LARGE1: variants seen among roughly 807,000 people sequenced by gnomAD.
LARGE1 encodes LARGE xylosyl- and glucuronyltransferase 1, also known as xylosyl- and glucuronyltransferase LARGE1.
A neutral mutation model predicts 87.6 loss-of-function variants in LARGE1; 43 were observed. That is an observed-to-expected ratio of 0.49 (90% CI 0.38 to 0.63). The LOEUF is 0.63. LARGE1 is among the 30% of genes least tolerant of loss of function. The pLI, the probability that LARGE1 is intolerant of heterozygous loss-of-function variation, is 0.00. For synonymous variants in LARGE1, 434 were observed against 394.6 expected (o/e 1.10, Z -1.18); for missense variants, 802 against 1,000.2 (o/e 0.80, Z 2.67).
chr22:33,084,254 T>C, the LARGE1 span, among the ~76,000 whole-genome samples: 1 of 152,204 alleles, frequency 6.6e-6, no homozygotes, highest in Non-Finnish European at 1.5e-5. Context: ...TTGAATTCCA[T>C]CCCTTGACTT....
At chr22:33,078,151 G>GA in the LARGE1 span, among the ~76,000 whole-genome samples, 2 of 151,774 alleles carry the variant, frequency 1.3e-5, no homozygotes, top group Non-Finnish European at 1.5e-5. Context: ...CATCTGAATG[G>GA]AAAAAAAATG....
At chr22:33,310,739 C>T (rs907814616) in intron 11 of LARGE1, among the ~76,000 whole-genome samples, 2 of 152,172 alleles carry the variant, frequency 1.3e-5, no homozygotes, top group African/African-American at 4.8e-5. Flanking sequence ...TTCTACCATT[C>T]TTCATAAGCC....
chr22:33,373,614 A>G (rs957154404), intron 9 of LARGE1, among the ~76,000 whole-genome samples: 1 of 150,580 alleles, frequency 6.6e-6, no homozygotes, highest in African/African-American at 2.5e-5. Context: ...CTCTCCTTTA[A>G]GTTTTCCATT....
intron 3 of LARGE1, among the ~76,000 whole-genome samples, chr22:33,649,933 A>G (rs1340942422): frequency 2.0e-5 from 3 of 152,204 alleles, no homozygotes; most frequent in Non-Finnish European, 2.9e-5. Context: ...TGAATTGGAG[A>G]GGCTGTTTAT....
intron 1 of LARGE1, among the ~76,000 whole-genome samples, chr22:33,822,849 T>C (rs2062679919): frequency 6.6e-6 from 1 of 152,194 alleles, no homozygotes; most frequent in Non-Finnish European, 1.5e-5. Context: ...AAGTGAGCAG[T>C]GGCCATGTAA....
At chr22:33,690,535 A>G in intron 2 of LARGE1, among the ~76,000 whole-genome samples, 1 of 152,112 alleles carries the variant, frequency 6.6e-6, no homozygotes, top group East Asian at 1.9e-4. Context: ...AACACACCTC[A>G]TGCTCCTTCT....
intron 2 of LARGE1, among the ~76,000 whole-genome samples, chr22:33,693,853 A>G (rs193022075): frequency 5.9e-5 from 9 of 152,030 alleles, no homozygotes; most frequent in Admixed American, 1.3e-4. Context: ...AAAGAGAGAG[A>G]AAAAAGAAAA....
At chr22:33,560,939 C>T (rs1036501960) in intron 6 of LARGE1, among the ~76,000 whole-genome samples, 3 of 151,988 alleles carry the variant, frequency 2.0e-5, no homozygotes, top group Non-Finnish European at 4.4e-5. Context: ...CTCAGCCTCC[C>T]GAGTAGCTGG....
At chr22:33,106,420 A>C in the LARGE1 span, among the ~76,000 whole-genome samples, 4 of 152,194 alleles carry the variant, frequency 2.6e-5, no homozygotes, top group African/African-American at 9.6e-5. Context: ...TCCAGGTGGG[A>C]GTGGGCTTTA....
At chr22:33,129,088 T>C in the LARGE1 span, among the ~76,000 whole-genome samples, 2 of 152,228 alleles carry the variant, frequency 1.3e-5, no homozygotes, top group African/African-American at 2.4e-5. Context: ...GAAATTAAAA[T>C]AAAAATTTAA....
At chr22:33,306,365 G>A (rs966134167) in intron 11 of LARGE1, among the ~76,000 whole-genome samples, 1 of 152,166 alleles carries the variant, frequency 6.6e-6, no homozygotes, top group African/African-American at 2.4e-5. Context: ...AGAGCAAAAC[G>A]CAAGAATAAT....
chr22:33,187,016 C>A (rs991302738), intron 11 of LARGE1, among the ~76,000 whole-genome samples: 1 of 152,136 alleles, frequency 6.6e-6, no homozygotes, highest in African/African-American at 2.4e-5. Flanking sequence ...TGCTTCTATG[C>A]TCAATTGATT....
At chr22:33,451,251 G>T (rs575757328) in intron 6 of LARGE1, among the ~76,000 whole-genome samples, 1 of 152,238 alleles carries the variant, frequency 6.6e-6, no homozygotes, top group African/African-American at 2.4e-5. Context: ...TTTCAGAGAT[G>T]GGGGTGGGCA....
intron 11 of LARGE1, among the ~76,000 whole-genome samples, chr22:33,252,017 C>T (rs1442354873): frequency 1.3e-5 from 2 of 152,140 alleles, no homozygotes; most frequent in Non-Finnish European, 2.9e-5. Context: ...GCAAAAGCAA[C>T]AGAAAAGAAA....
intron 1 of LARGE1, among the ~76,000 whole-genome samples, chr22:33,842,725 C>T (rs140786186): frequency 3.9e-5 from 6 of 152,338 alleles, no homozygotes; most frequent in Non-Finnish European, 2.9e-5. Context: ...ATGGTGGCCA[C>T]TAGCTGCAGG....
intron 6 of LARGE1, among the ~76,000 whole-genome samples, chr22:33,462,792 A>G (rs1212502021): frequency 1.3e-5 from 2 of 152,088 alleles, no homozygotes; most frequent in Non-Finnish European, 2.9e-5. Context: ...AAAAATAAAA[A>G]TAATATATAT....
chr22:33,203,881 C>T (rs1371358706), intron 11 of LARGE1, among the ~76,000 whole-genome samples: 1 of 151,996 alleles, frequency 6.6e-6, no homozygotes, highest in African/African-American at 2.4e-5. Context: ...TTCATTCTGT[C>T]CCATCATCGC....
chr22:33,104,889 C>CTCTCTTTCTTTCTT, the LARGE1 span, among the ~76,000 whole-genome samples: 5 of 89,232 alleles, frequency 5.6e-5, no homozygotes, highest in East Asian at 5.0e-4. Context: ...GACTTTCTCT[C>CTCTCTTTCTTTCTT]TCTTTCTTTC....
chr22:33,821,101 G>A (rs1163344120), intron 1 of LARGE1, among the ~76,000 whole-genome samples: 2 of 152,172 alleles, frequency 1.3e-5, no homozygotes, highest in Non-Finnish European at 2.9e-5. Flanking sequence ...AAATATCTCT[G>A]TCCTCCCAAG....
Sources: gnomAD v4.1 joint callset for allele counts (sites outside exome capture counted in the v4.1 genomes callset) on GRCh38, gnomAD v4.1.1 for gene constraint, MANE v1.5 for transcripts, NCBI Gene and HGNC (gene_info 2026-07-23, HGNC 2026-07-21) for gene names.